The following SHROOM4 variants were observed in gnomAD, a reference collection of about 807,000 sequenced individuals.
The protein encoded by SHROOM4 is shroom family member 4, also known as protein Shroom4.
SHROOM4 carries 17 observed loss-of-function variants against 80.3 expected under a neutral mutation model. That is an observed-to-expected ratio of 0.21 (90% confidence interval 0.14 to 0.32). The LOEUF (loss-of-function observed/expected upper bound fraction) is 0.32. Among genes scored for constraint, SHROOM4 ranks in the 10% least tolerant of loss-of-function variants. The pLI is 1.00. For synonymous variants in SHROOM4, 400 were observed against 437.5 expected (o/e 0.91, Z 1.07); for missense variants, 993 against 1,140.3 (o/e 0.87, Z 1.86).
At chrX:50,716,898 C>G (rs1933968777) in intron 1 of SHROOM4, among the ~76,000 whole-genome samples, 1 of 112,706 alleles carries the variant, frequency 8.9e-6, no homozygotes, top group Non-Finnish European at 1.9e-5. Flanking sequence ...TAAAGCCTGC[C>G]TCTTCCCTAG....
At chrX:50,632,737 C>G (rs1230624736) in intron 4 of SHROOM4, among the ~76,000 whole-genome samples, 1 of 112,216 alleles carries the variant, frequency 8.9e-6, no homozygotes, top group Non-Finnish European at 1.9e-5. Flanking sequence ...TCCATAGACA[C>G]AATCTGATTT....
In SHROOM4 at chrX:50,771,552, C is replaced by T. The variant is rs991922169; in HGVS notation, c.117+42350G>A. Among the ~76,000 whole-genome samples, 12 of 111,806 alleles carry T rather than the reference C, an allele frequency of 1.1e-4. No homozygotes were observed. In the East Asian group the frequency reaches 3.4e-3, roughly 32 times the overall value. On this transcript the variant is annotated intron_variant, in intron 1 of 8. Transcript: ENST00000376020. Reference sequence around the variant, plus strand: ...AATTAAGCCTTCTGCCTTCTTCTAGCCCATAAGGTCATTGGTCTGCCACGC... The same window carrying T: ...AATTAAGCCTTCTGCCTTCTTCTAGTCCATAAGGTCATTGGTCTGCCACGC...
intron 1 of SHROOM4, among the ~76,000 whole-genome samples, chrX:50,742,144 C>G (rs1557267256): frequency 9.1e-6 from 1 of 110,148 alleles, no homozygotes; most frequent in Non-Finnish European, 1.9e-5. Context: ...ATTATACCTC[C>G]TTTCACTTCC....
rs782433118 is a variant in SHROOM4 at position 50,759,008 on chromosome X, CCCT to C, written c.117+54891_117+54893del. ...TTTCTGTAAGTTCTGAAGTGATGTTCCCTCCTCAATTCTTGAAATCTGTAATTT... is the reference window on the plus strand; with the variant it reads ...TTTCTGTAAGTTCTGAAGTGATGTTCCCTCAATTCTTGAAATCTGTAATTT... On this transcript the variant is annotated intron_variant, in intron 1 of 8. Transcript: ENST00000376020. Among the ~76,000 whole-genome samples the C allele has an allele frequency of 3.6e-5, 4 of 111,614 alleles. 1 individual carries two copies. In the Middle Eastern group the frequency reaches 0.014, roughly 384 times the overall value.
intron 2 of SHROOM4, among the ~76,000 whole-genome samples, chrX:50,667,453 A>G (rs183893835): frequency 8.9e-4 from 99 of 111,116 alleles, no homozygotes; most frequent in African/African-American, 2.8e-3. Flanking sequence ...GGGCAAAAAC[A>G]TTATTTATTG....
chrX:50,635,567 G>A lies in SHROOM4; in HGVS notation c.506C>T (p.Thr169Ile), dbSNP rs782354647. The change falls in exon 4 of 9, where the codon ACC (threonine) becomes ATC (isoleucine). Residue 169 changes from threonine to isoleucine, a missense_variant. By Grantham distance (89) the Thr-to-Ile change is moderately conservative. Transcript: ENST00000376020. Reference sequence around the variant, plus strand: ...AATAGGCAACAGATGGCTCTCATAGGTGGCTTGGCCTGGTTGCTCCAGGCT... The same window carrying A: ...AATAGGCAACAGATGGCTCTCATAGATGGCTTGGCCTGGTTGCTCCAGGCT... Reference protein sequence around the residue: ...MESLEQPGQATYESHLLPIDQ... With the variant: ...MESLEQPGQAIYESHLLPIDQ... The A allele has an allele frequency of 4.1e-6, 5 of 1,210,741 alleles. No individual in the cohort carries two copies. Among genetic ancestry groups the A allele is most frequent in the Non-Finnish European group, 5.6e-6 (5 of 895,233 alleles).
rs974360453 is a variant in SHROOM4 at position 50,592,102 on chromosome X, C to T, written c.*4593G>A. The T allele has an allele frequency of 2.1e-5, 7 of 327,996 alleles. No individual in the cohort carries two copies. The highest frequency in any genetic ancestry group is 1.9e-4 in the African/African-American group (7 of 37,708). The allele number at this position is 327,996 out of a possible 1,213,427, so 27.0% of individuals were successfully genotyped here. A position where few individuals can be genotyped will look rare whatever the true frequency, so the allele number is the denominator to read the frequency against. On this transcript the variant is annotated 3_prime_UTR_variant, in exon 9 of 9. Coordinates refer to ENST00000376020, the MANE Select transcript of SHROOM4 (RefSeq NM_020717.5). ...ATCCTGCAACTTTCCTAAATTCATCCAGGCAGGTAGTTGTGAGCAACACGA... is the reference window on the plus strand; with the variant it reads ...ATCCTGCAACTTTCCTAAATTCATCTAGGCAGGTAGTTGTGAGCAACACGA...
intron 1 of SHROOM4, among the ~76,000 whole-genome samples, chrX:50,736,004 C>CAAA (rs1191157869): frequency 6.1e-5 from 4 of 65,352 alleles, no homozygotes; most frequent in Non-Finnish European, 6.0e-5. Flanking sequence ...GAGACTGTTT[C>CAAA]AAAAAAAAAA....
chrX:50,619,606 G>T (rs1161419407), intron 5 of SHROOM4, among the ~76,000 whole-genome samples: 1 of 112,059 alleles, frequency 8.9e-6, no homozygotes, highest in Non-Finnish European at 1.9e-5. Context: ...CTGATGCAAA[G>T]TGTCCTGTGA....
intron 2 of SHROOM4, among the ~76,000 whole-genome samples, chrX:50,690,387 A>T (rs1165623613): frequency 1.8e-5 from 2 of 111,829 alleles, no homozygotes; most frequent in Non-Finnish European, 3.8e-5. Flanking sequence ...CATCCCTCTG[A>T]AAAGAAACCT....
intron 1 of SHROOM4, among the ~76,000 whole-genome samples, chrX:50,760,391 G>A (rs1935129727): frequency 9.8e-6 from 1 of 101,954 alleles, no homozygotes; most frequent in Non-Finnish European, 2.0e-5. Flanking sequence ...TGCATGGAGT[G>A]TAGTGGTACA....
At chrX:50,720,126 G>T (rs1262938756) in intron 1 of SHROOM4, among the ~76,000 whole-genome samples, 2 of 111,245 alleles carry the variant, frequency 1.8e-5, no homozygotes, top group Non-Finnish European at 3.8e-5. Flanking sequence ...AAGGGGTAAG[G>T]CCGACATGAA....
At chrX:50,739,188 G>A (rs1194460109) in intron 1 of SHROOM4, among the ~76,000 whole-genome samples, 1 of 110,750 alleles carries the variant, frequency 9.0e-6, no homozygotes, top group East Asian at 2.8e-4. Context: ...ATTCAAGATG[G>A]ATTAAAGACT....
At chrX:50,686,020 A>C (rs1230874286) in intron 2 of SHROOM4, among the ~76,000 whole-genome samples, 1 of 110,685 alleles carries the variant, frequency 9.0e-6, no homozygotes, top group Non-Finnish European at 1.9e-5. Flanking sequence ...TGTGTAATGA[A>C]GTTTTTTTGT....
chrX:50,667,322 C>T, intron 2 of SHROOM4, among the ~76,000 whole-genome samples: 1 of 111,673 alleles, frequency 9.0e-6, no homozygotes, highest in South Asian at 3.8e-4. Context: ...AGCTTAGGTA[C>T]TTAAGGTTTG....
At chrX:50,600,088 C>T (rs781902618) in intron 7 of SHROOM4, among the ~76,000 whole-genome samples, 1 of 111,649 alleles carries the variant, frequency 9.0e-6, no homozygotes, top group Admixed American at 9.5e-5. Flanking sequence ...CTTCTGTTTC[C>T]TCATCTGTAA....
At chrX:50,716,616 T>G (rs1033654114) in intron 1 of SHROOM4, among the ~76,000 whole-genome samples, 2 of 111,999 alleles carry the variant, frequency 1.8e-5, no homozygotes, top group Non-Finnish European at 3.8e-5. Context: ...ACAACTGCCA[T>G]TTGACACATA....
intron 5 of SHROOM4, among the ~76,000 whole-genome samples, chrX:50,616,845 A>G (rs1169713121): frequency 9.0e-6 from 1 of 111,602 alleles, no homozygotes; most frequent in Non-Finnish European, 1.9e-5. Flanking sequence ...TTGGTTTCCA[A>G]ACTATACATT....
At chrX:50,622,176 T>C (rs1305051333) in intron 5 of SHROOM4, among the ~76,000 whole-genome samples, 1 of 111,963 alleles carries the variant, frequency 8.9e-6, no homozygotes, top group Non-Finnish European at 1.9e-5. Flanking sequence ...ATTATACCTG[T>C]TGTGGCTGCT....
Sources: gnomAD v4.1 joint callset for allele counts (sites outside exome capture counted in the v4.1 genomes callset) on GRCh38, gnomAD v4.1.1 for gene constraint, MANE v1.5 for transcripts, NCBI Gene and HGNC (gene_info 2026-07-23, HGNC 2026-07-21) for gene names.